Variants in OCRL observed in about 807,000 individuals in gnomAD.
OCRL encodes OCRL inositol polyphosphate-5-phosphatase.
A neutral mutation model predicts 78.9 loss-of-function variants in OCRL; 8 were observed. The observed-to-expected ratio is 0.10, with a 90% CI of 0.06 to 0.18. The LOEUF is 0.18. OCRL is among the 10% of genes least tolerant of loss of function. The pLI is 1.00. For missense variants in OCRL, 454 were observed against 696.7 expected, an observed-to-expected ratio of 0.65 and a Z score of 3.92; for synonymous variants, 240 against 235.4, an observed-to-expected ratio of 1.02 and a Z score of -0.18.
chrX:129,566,791 T>A (rs917749013), intron 13 of OCRL, among the ~76,000 whole-genome samples: 3 of 112,171 alleles, frequency 2.7e-5, no homozygotes, highest in African/African-American at 9.7e-5. Context: ...AGGGGTACAT[T>A]TAGGATAAAT....
At chrX:129,561,707 GT>G (rs1192232662) in intron 10 of OCRL, among the ~76,000 whole-genome samples, 3 of 111,612 alleles carry the variant, frequency 2.7e-5, no homozygotes, top group Non-Finnish European at 5.7e-5. Flanking sequence ...TCTAAACTTG[GT>G]TTTAAGTTAA....
Position 129,589,655 on chromosome X carries a change from C to T in OCRL, c.2470-190C>T, listed in dbSNP as rs180955614. The T allele has an allele frequency of 1.4e-3, 630 of 446,578 alleles. 2 individuals are homozygous for T. The highest frequency in any genetic ancestry group is 0.013 in the African/African-American group (550 of 41,066). 36.8% of individuals were successfully genotyped at this position (446,578 alleles called of 1,213,427 possible). On this transcript the variant is annotated intron_variant, in intron 22 of 23. Coordinates refer to ENST00000371113, the MANE Select transcript of OCRL (RefSeq NM_000276.4). ...TTGAGTGGACAGGGACCAAACAGCACGGCCACTCTTACTTTGAAGTTATAA... is the reference window on the plus strand; with the variant it reads ...TTGAGTGGACAGGGACCAAACAGCATGGCCACTCTTACTTTGAAGTTATAA...
chrX:129,579,357 G>A (rs896512771), intron 18 of OCRL, among the ~76,000 whole-genome samples: 28 of 111,137 alleles, frequency 2.5e-4, no homozygotes, highest in African/African-American at 8.5e-4. Flanking sequence ...ACCCAATATC[G>A]TATTTCAAAT....
intron 15 of OCRL, among the ~76,000 whole-genome samples, chrX:129,574,831 A>G (rs1343509465): frequency 2.7e-5 from 3 of 112,317 alleles, no homozygotes; most frequent in Non-Finnish European, 5.6e-5. Context: ...AATTAATCTT[A>G]CCTTTACCTT....
chrX:129,569,506 A>G, intron 15 of OCRL, 107 bp downstream of exon 15: 3 of 856,611 alleles, frequency 3.5e-6, no homozygotes, highest in Non-Finnish European at 1.7e-6. Context: ...TAAATGTTCC[A>G]TAACCAAATA....
At position 129,590,437 on chromosome X, in the gene OCRL, A is replaced by T. The variant is rs780526267; in HGVS notation, c.*167A>T. ...TAATCCCTCCTTTACCATATCCTAC[A>T]CAGAAAAATACTTTTAGACTTATAT... On this transcript the variant is annotated 3_prime_UTR_variant, in exon 24 of 24. Transcript: ENST00000371113. The T allele has an allele frequency of 3.0e-5, 18 of 597,855 alleles. No homozygotes were observed. Among genetic ancestry groups the T allele is most frequent in the Non-Finnish European group, 4.7e-5 (18 of 381,932 alleles). The allele number at this position is 597,855 out of a possible 1,213,427, so 49.3% of individuals were successfully genotyped here.
chrX:129,576,605 T>C, intron 18 of OCRL, 53 bp downstream of exon 18: 1 of 899,593 alleles, frequency 1.1e-6, no homozygotes, highest in Non-Finnish European at 1.6e-6. Context: ...TTCACAATAC[T>C]TAAGTGACGT....
intron 1 of OCRL, 29 bp downstream of exon 1, chrX:129,540,507 G>A (rs2124383047): frequency 3.5e-6 from 4 of 1,128,914 alleles, no homozygotes; most frequent in Admixed American, 5.3e-5. Context: ...GGAGAGGGGA[G>A]GCCGCGCAGG....
chrX:129,571,367 T>G (rs1196194325), intron 15 of OCRL, among the ~76,000 whole-genome samples: 85 of 101,339 alleles, frequency 8.4e-4, no homozygotes, highest in Non-Finnish European at 1.5e-3. Context: ...TTTTTGGTTT[T>G]TTTTTTTTTT....
intron 3 of OCRL, among the ~76,000 whole-genome samples, chrX:129,546,046 G>A (rs1935873869): frequency 9.0e-6 from 1 of 111,566 alleles, no homozygotes; most frequent in African/African-American, 3.3e-5. Flanking sequence ...ACCTTGCATG[G>A]ATTATTTCTT....
In OCRL at chrX:129,578,115, A is replaced by G. The variant is rs776211491; in HGVS notation, c.2115+1563A>G. On this transcript the variant is annotated intron_variant, in intron 18 of 23. Coordinates refer to ENST00000371113, the MANE Select transcript of OCRL (RefSeq NM_000276.4). ...TTTAGTGGTAATATGTCACTTCACC[A>G]CTGAACACTTCAGCCTGCATCTCTT... Among the ~76,000 whole-genome samples the G allele has an allele frequency of 5.4e-5, 6 of 111,434 alleles. No individual in the cohort carries two copies. In the South Asian group the frequency reaches 2.3e-3, roughly 42 times the overall value.
At chrX:129,563,074 C>T (rs1208512820) in intron 12 of OCRL, among the ~76,000 whole-genome samples, 1 of 111,865 alleles carries the variant, frequency 8.9e-6, no homozygotes, top group East Asian at 2.8e-4. Context: ...TAGAAATATT[C>T]ATTGCAAATG....
intron 8 of OCRL, among the ~76,000 whole-genome samples, chrX:129,559,600 CT>C (rs1393275241): frequency 1.8e-5 from 2 of 111,440 alleles, no homozygotes; most frequent in Non-Finnish European, 3.8e-5. Context: ...GAATTTTCCC[CT>C]AGCACATTCC....
At position 129,590,575 on chromosome X, in the gene OCRL, A is replaced by C; in HGVS notation, c.*305A>C. 3.5e-6 allele frequency: 1 copy of C among 284,633 alleles called. No individual in the cohort carries two copies. Among genetic ancestry groups the C allele is most frequent in the African/African-American group, 2.7e-5 (1 of 36,445 alleles). The allele number at this position is 284,633 out of a possible 1,213,427, so 23.5% of individuals were successfully genotyped here. A position where few individuals can be genotyped will look rare whatever the true frequency, so the allele number is the denominator to read the frequency against. On this transcript the variant is annotated 3_prime_UTR_variant, in exon 24 of 24. Transcript: ENST00000371113. ...GATGTGTTTGTTGCCCTCCTACCCA[A>C]TTGTCATGATTGTCCTTAGTACCCT...
chrX:129,573,820 G>A (rs192937115), intron 15 of OCRL, among the ~76,000 whole-genome samples: 307 of 111,510 alleles, frequency 2.8e-3, no homozygotes, highest in African/African-American at 9.4e-3. Context: ...TCGGCCTCCC[G>A]CAGTGCTAGG....
chrX:129,575,298 C>T (rs1936354876), intron 16 of OCRL, 48 bp downstream of exon 16: 1 of 870,518 alleles, frequency 1.1e-6, no homozygotes, highest in Admixed American at 2.3e-5. Context: ...CTGTGGTTAG[C>T]ACAGAAGAAA....
intron 3 of OCRL, among the ~76,000 whole-genome samples, chrX:129,545,714 T>C (rs1448404070): frequency 8.9e-6 from 1 of 112,026 alleles, no homozygotes; most frequent in Admixed American, 9.5e-5. Flanking sequence ...TGCATTCTGT[T>C]TTCACTAGGA....
At chrX:129,555,273 G>A (rs1476000217) in intron 4 of OCRL, among the ~76,000 whole-genome samples, 1 of 110,065 alleles carries the variant, frequency 9.1e-6, no homozygotes, top group Non-Finnish European at 1.9e-5. Context: ...TCAGGAGTTC[G>A]AGACCAGCCT....
chrX:129,548,358 G>T (rs182200938), intron 3 of OCRL, among the ~76,000 whole-genome samples: 14 of 111,873 alleles, frequency 1.3e-4, no homozygotes, highest in African/African-American at 3.2e-4. Flanking sequence ...TTTTATTTTA[G>T]TTGATTTGCT....
Sources: allele counts gnomAD v4.1 joint callset (sites outside exome capture counted in the v4.1 genomes callset), GRCh38; gene constraint gnomAD v4.1.1; transcripts MANE v1.5; gene names NCBI Gene and HGNC (gene_info 2026-07-23, HGNC 2026-07-21).